UBL3: variants seen among roughly 807,000 people sequenced by gnomAD.
The protein encoded by UBL3 is ubiquitin like 3, also known as ubiquitin-like protein 3.
UBL3 carries 6 observed loss-of-function variants against 18.4 expected under a neutral mutation model. That is an observed-to-expected ratio of 0.33 (90% CI 0.18 to 0.64). UBL3 has a LOEUF of 0.64. UBL3 is among the 30% of genes least tolerant of loss of function. The pLI, the probability that UBL3 is intolerant of heterozygous loss-of-function variation, is 0.76. For missense variants in UBL3, 109 were observed against 142.9 expected, an observed-to-expected ratio of 0.76 and a Z score of 1.21; for synonymous variants, 49 against 46.6, an observed-to-expected ratio of 1.05 and a Z score of -0.21.
intron 3 of UBL3, among the ~76,000 whole-genome samples, chr13:29,770,213 G>A (rs1876803835): frequency 6.6e-6 from 1 of 151,986 alleles, no homozygotes; most frequent in Admixed American, 6.6e-5. Context: ...GAAGAACACA[G>A]GGAGGCTAAA....
intron 1 of UBL3, among the ~76,000 whole-genome samples, chr13:29,799,892 C>G (rs952057532): frequency 2.0e-5 from 3 of 150,646 alleles, no homozygotes; most frequent in African/African-American, 4.9e-5. Flanking sequence ...TGCTTATTTT[C>G]AAAATAAGTC....
intron 1 of UBL3, among the ~76,000 whole-genome samples, chr13:29,778,648 A>T (rs541314650): frequency 5.3e-5 from 8 of 152,316 alleles, no homozygotes; most frequent in African/African-American, 1.2e-4. Context: ...AAGATGTCAG[A>T]GTCTACAATG....
At position 29,831,945 on chromosome 13, in the gene UBL3, A is replaced by G. The variant is rs574634623; in HGVS notation, c.27+17567T>C. On this transcript the variant is annotated intron_variant, in intron 1 of 4. Coordinates refer to ENST00000380680, the MANE Select transcript of UBL3 (RefSeq NM_007106.4). ...ATAGATATTTTCATTAAAATTAAAC[A>G]TAAGTAAAAATTCGCTTCCTCAAAC... 3.3e-5 allele frequency among the ~76,000 whole-genome samples: 5 copies of G among 152,334 alleles called. No homozygotes were observed. The South Asian group carries it at 6.2e-4, about 19-fold the overall frequency.
At chr13:29,814,142 G>C (rs759567151) in intron 1 of UBL3, among the ~76,000 whole-genome samples, 6 of 152,002 alleles carry the variant, frequency 3.9e-5, no homozygotes, top group Non-Finnish European at 8.8e-5. Context: ...TTTTTAAAGA[G>C]TATCTAATGT....
chr13:29,828,798 T>C (rs1377016162), intron 1 of UBL3, among the ~76,000 whole-genome samples: 1 of 152,204 alleles, frequency 6.6e-6, no homozygotes, highest in Non-Finnish European at 1.5e-5. Context: ...TTCCCCATTT[T>C]TGTGGTTTTA....
At chr13:29,829,580 C>G (rs1012074883) in intron 1 of UBL3, among the ~76,000 whole-genome samples, 3 of 152,048 alleles carry the variant, frequency 2.0e-5, no homozygotes, top group East Asian at 3.9e-4. Context: ...TCCCAGGTGC[C>G]ATCTGTCACA....
At chr13:29,823,194 G>C (rs1482074927) in intron 1 of UBL3, among the ~76,000 whole-genome samples, 1 of 152,096 alleles carries the variant, frequency 6.6e-6, no homozygotes, top group Non-Finnish European at 1.5e-5. Flanking sequence ...CCAGGCTGGA[G>C]TGCAATGGTG....
At chr13:29,792,745 A>T (rs1222270275) in intron 1 of UBL3, among the ~76,000 whole-genome samples, 1 of 152,242 alleles carries the variant, frequency 6.6e-6, no homozygotes, top group Non-Finnish European at 1.5e-5. Context: ...GTTATTAATT[A>T]AATTTTAAAA....
intron 1 of UBL3, among the ~76,000 whole-genome samples, chr13:29,837,199 C>T (rs1166448054): frequency 6.6e-6 from 1 of 152,026 alleles, no homozygotes. Context: ...TTGCCAGGCA[C>T]CCAAGGAAAA....
intron 1 of UBL3, among the ~76,000 whole-genome samples, chr13:29,816,338 A>C (rs973227769): frequency 6.6e-6 from 1 of 152,210 alleles, no homozygotes. Context: ...TTTTAGAACC[A>C]AGTAACAATA....
At chr13:29,825,603 C>A (rs143378305) in intron 1 of UBL3, among the ~76,000 whole-genome samples, 19,203 of 152,156 alleles carry the variant, frequency 0.13, 1,271 homozygotes, top group Middle Eastern at 0.18. Context: ...AGATTTTGGG[C>A]TGAGACGACG....
intron 2 of UBL3, among the ~76,000 whole-genome samples, chr13:29,776,534 A>AT (rs1452965504): frequency 6.6e-6 from 1 of 151,936 alleles, no homozygotes; most frequent in African/African-American, 2.4e-5. Flanking sequence ...AAGTGCTGGG[A>AT]TTACAGGTAT....
intron 1 of UBL3, among the ~76,000 whole-genome samples, chr13:29,785,691 C>T (rs534374383): frequency 4.6e-5 from 7 of 152,236 alleles, no homozygotes; most frequent in East Asian, 3.9e-4. Flanking sequence ...ATGGTAATTA[C>T]GTATTTCATA....
At position 29,849,639 on chromosome 13, in the gene UBL3, T is replaced by C. The variant is rs1473600183; in HGVS notation, c.-101A>G. The stretch of plus-strand genomic sequence containing the variant: ...AGAAATAAACCACGATTTTGACTGG[T>C]TCGTGATGTGCTTTCTCCCCCAAAA... On this transcript the variant is annotated 5_prime_UTR_variant, in exon 1 of 5. Transcript: ENST00000380680. 13 of 1,456,654 alleles carry C rather than the reference T, an allele frequency of 8.9e-6. No homozygotes were observed. The highest frequency in any genetic ancestry group is 1.2e-5 in the Non-Finnish European group (13 of 1,051,188). 90.2% of individuals were successfully genotyped at this position (1,456,654 alleles called of 1,614,324 possible).
chr13:29,804,637 T>C (rs1359630711), intron 1 of UBL3, among the ~76,000 whole-genome samples: 1 of 151,760 alleles, frequency 6.6e-6, no homozygotes, highest in African/African-American at 2.4e-5. Flanking sequence ...CCCACAGTAA[T>C]ACAAAAAAAA....
At position 29,780,406 on chromosome 13, in the gene UBL3, G is replaced by A. The variant is rs192881756; in HGVS notation, c.28-3143C>T. On this transcript the variant is annotated intron_variant, in intron 1 of 4. Coordinates refer to ENST00000380680, the MANE Select transcript of UBL3 (RefSeq NM_007106.4). ...TATATATATATGTGTGTGTGTGTGT[G>A]TATATATATATAATAAGTTATATAT... Among the ~76,000 whole-genome samples the A allele has an allele frequency of 1.6e-3, 215 of 133,920 alleles. 1 individual carries two copies. The highest frequency in any genetic ancestry group is 5.6e-3 in the African/African-American group (203 of 36,560). 87.9% of individuals were successfully genotyped at this position (133,920 alleles called of 152,430 possible).
intron 1 of UBL3, among the ~76,000 whole-genome samples, chr13:29,840,498 T>C (rs1415191568): frequency 6.6e-6 from 1 of 152,138 alleles, no homozygotes; most frequent in African/African-American, 2.4e-5. Flanking sequence ...CCTTGATACC[T>C]AAATCTGTCA....
At position 29,764,770 on chromosome 13, in the gene UBL3, A is replaced by G. The variant is rs1876621356; in HGVS notation, c.*2485T>C. 1 of 152,178 alleles carries G rather than the reference A, an allele frequency of 6.6e-6. No individual in the cohort carries two copies. The highest frequency in any genetic ancestry group is 1.5e-5 in the Non-Finnish European group (1 of 68,028). 9.4% of individuals were successfully genotyped at this position (152,178 alleles called of 1,614,324 possible). On this transcript the variant is annotated 3_prime_UTR_variant, in exon 5 of 5. Transcript: ENST00000380680. The stretch of plus-strand genomic sequence containing the variant: ...GGCTCATCATTCAGGCTTTATGTAC[A>G]TTACTGGATCTATGCAGCTCTCACC...
At chr13:29,814,268 T>C (rs1426478763) in intron 1 of UBL3, among the ~76,000 whole-genome samples, 2 of 152,078 alleles carry the variant, frequency 1.3e-5, no homozygotes, top group Non-Finnish European at 2.9e-5. Context: ...GTTACAAATT[T>C]TACTCATCAG....
Sources: gnomAD v4.1 joint callset for allele counts (sites outside exome capture counted in the v4.1 genomes callset) on GRCh38, gnomAD v4.1.1 for gene constraint, MANE v1.5 for transcripts, NCBI Gene and HGNC (gene_info 2026-07-23, HGNC 2026-07-21) for gene names.